Variants in PHLDB3 observed in about 807,000 individuals in gnomAD.
PHLDB3 encodes pleckstrin homology like domain family B member 3.
In PHLDB3, 86 loss-of-function variants were observed where a neutral mutation model predicts 85.7. That is an observed-to-expected ratio of 1.00 (90% CI 0.84 to 1.20). The LOEUF is 1.20. Among genes scored for constraint, PHLDB3 ranks in the 50% most tolerant of loss-of-function variants. The pLI, the probability that PHLDB3 is intolerant of heterozygous loss-of-function variation, is 0.00. For synonymous variants in PHLDB3, 376 were observed against 349.8 expected, an observed-to-expected ratio of 1.07 and a Z score of -0.83; for missense variants, 995 against 873.0, an observed-to-expected ratio of 1.14 and a Z score of -1.76.
chr19:43,484,484 G>A (rs1971111688), intron 13 of PHLDB3, among the ~76,000 whole-genome samples: 2 of 150,114 alleles, frequency 1.3e-5, no homozygotes, highest in African/African-American at 4.9e-5. Context: ...AAGGCACACA[G>A]ATCACCTGAG....
chr19:43,478,194 G>T, intron 14 of PHLDB3, 62 bp from the exon 15 acceptor site: 1 of 1,340,608 alleles, frequency 7.5e-7, no homozygotes, highest in Non-Finnish European at 1.1e-6. Context: ...GTGTGTCGAG[G>T]TGAGGGTCAT....
intron 15 of PHLDB3, among the ~76,000 whole-genome samples, chr19:43,477,442 G>A (rs1212405248): frequency 1.3e-5 from 2 of 150,778 alleles, no homozygotes; most frequent in African/African-American, 2.5e-5. Flanking sequence ...GCTTGAACCC[G>A]GGAGGCAGAG....
intron 9 of PHLDB3, among the ~76,000 whole-genome samples, chr19:43,490,758 G>T (rs1453498620): frequency 6.6e-6 from 1 of 152,128 alleles, no homozygotes; most frequent in Non-Finnish European, 1.5e-5. Flanking sequence ...CCCCAGCTTT[G>T]TCTGCAGGGC....
At chr19:43,487,513 T>C (rs978619000) in intron 9 of PHLDB3, among the ~76,000 whole-genome samples, 3 of 135,942 alleles carry the variant, frequency 2.2e-5, no homozygotes, top group African/African-American at 8.4e-5. Context: ...AGGTGGAGAT[T>C]GCAATGAGCT....
intron 14 of PHLDB3, among the ~76,000 whole-genome samples, chr19:43,478,634 G>T (rs1377493420): frequency 6.6e-6 from 1 of 152,184 alleles, no homozygotes; most frequent in Non-Finnish European, 1.5e-5. Context: ...CGTCCAAGGA[G>T]GCTGGGTGCA....
At chr19:43,486,483 G>A (rs898741859) in intron 12 of PHLDB3, 126 bp downstream of exon 12, 3 of 1,317,788 alleles carry the variant, frequency 2.3e-6, no homozygotes, top group Non-Finnish European at 3.1e-6. Flanking sequence ...TCCTGGGTCT[G>A]AGGGTGGAGG....
chr19:43,494,411 G>A (rs1971392603), intron 9 of PHLDB3, among the ~76,000 whole-genome samples: 1 of 150,628 alleles, frequency 6.6e-6, no homozygotes. Flanking sequence ...CTTCTGAGAA[G>A]GGGAGACCTT....
intron 9 of PHLDB3, among the ~76,000 whole-genome samples, chr19:43,491,802 G>A (rs1971319487): frequency 1.3e-5 from 2 of 151,308 alleles, no homozygotes; most frequent in South Asian, 4.2e-4. Flanking sequence ...GAGTAGCTGG[G>A]ACTAGGCTAA....
intron 9 of PHLDB3, among the ~76,000 whole-genome samples, 190 bp from the exon 10 acceptor site, chr19:43,487,313 G>A (rs1438735805): frequency 6.6e-6 from 1 of 152,132 alleles, no homozygotes; most frequent in African/African-American, 2.4e-5. Context: ...AGTGGCTTAT[G>A]CCTGTAATCC....
chr19:43,504,076 G>C lies in PHLDB3; in HGVS notation c.43C>G (p.Leu15Val). The C allele has an allele frequency of 1.9e-6, 3 of 1,612,278 alleles. No homozygotes were observed. Among genetic ancestry groups the C allele is most frequent in the Non-Finnish European group, 2.5e-6 (3 of 1,179,256 alleles). Reference sequence around the variant, plus strand: ...ACCTCCACGTCGCATTCCGGGACCAGCGGCGGCGGGGTCCCCTCCTCGGGG... The same window carrying C: ...ACCTCCACGTCGCATTCCGGGACCACCGGCGGCGGGGTCCCCTCCTCGGGG... Reference protein sequence around the residue: ...SSPEEGTPPPLVPECDVEVQP... With the variant: ...SSPEEGTPPPVVPECDVEVQP... Residue 15 changes from leucine to valine, a missense_variant, in exon 2 of 16, where the codon CTG (leucine) becomes GTG (valine). Coordinates refer to ENST00000292140, the MANE Select transcript of PHLDB3 (RefSeq NM_198850.4).
intron 9 of PHLDB3, among the ~76,000 whole-genome samples, chr19:43,489,221 G>T (rs1221323639): frequency 6.6e-6 from 1 of 152,084 alleles, no homozygotes; most frequent in Non-Finnish European, 1.5e-5. Flanking sequence ...GAAAACCAAG[G>T]CCAGGTGTGG....
At position 43,493,315 on chromosome 19, in the gene PHLDB3, T is replaced by TAAATAAATAAAA. The variant is rs546087500; in HGVS notation, c.1149+1386_1149+1387insTTTTATTTATTT. ...ATAAATAAATAAATAAATAAATAAA[T>TAAATAAATAAAA]AAAATAAAAGCCAGTGAGACCCTAT... is the stretch of plus-strand genomic sequence containing the variant. On this transcript the variant is annotated intron_variant, in intron 9 of 15. Coordinates refer to ENST00000292140, the MANE Select transcript of PHLDB3 (RefSeq NM_198850.4). Among the ~76,000 whole-genome samples, 89 of 143,376 alleles carry TAAATAAATAAAA rather than the reference T, an allele frequency of 6.2e-4. 1 individual carries two copies. The highest frequency in any genetic ancestry group is 3.7e-3 in the Middle Eastern group (1 of 272). 94.1% of individuals were successfully genotyped at this position (143,376 alleles called of 152,430 possible). A position where few individuals can be genotyped will look rare whatever the true frequency, so the allele number is the denominator to read the frequency against.
intron 6 of PHLDB3, chr19:43,496,915 G>A (rs1007772876): frequency 3.2e-5 from 25 of 780,452 alleles, no homozygotes; most frequent in Admixed American, 8.7e-5. Flanking sequence ...TAAGTTTGTT[G>A]TAAGGATTCA....
chr19:43,487,056 C>T lies in PHLDB3; in HGVS notation c.1217G>A (p.Gly406Glu), dbSNP rs1259945024. The T allele has an allele frequency of 1.3e-6, 2 of 1,577,908 alleles. No individual in the cohort carries two copies. Among genetic ancestry groups the T allele is most frequent in the South Asian group, 2.3e-5 (2 of 85,204 alleles). Residue 406 changes from glycine (G) to glutamate (E), a missense_variant, in exon 10 of 16, where the codon GGA becomes GAA. Coordinates refer to ENST00000292140, the MANE Select transcript of PHLDB3 (RefSeq NM_198850.4). ...ATGGAAGGACAGAGGTCGGGGGGATCCTCTCTGGCTCCCCCTCTCCCCCCT... is the reference window on the plus strand; with the variant it reads ...ATGGAAGGACAGAGGTCGGGGGGATTCTCTCTGGCTCCCCCTCTCCCCCCT... ...RKRGERGSQR[G>E]SPRPLSFHCT...
intron 4 of PHLDB3, among the ~76,000 whole-genome samples, chr19:43,500,192 T>C (rs1971554519): frequency 6.6e-6 from 1 of 151,792 alleles, no homozygotes; most frequent in Non-Finnish European, 1.5e-5. Context: ...TGAGCCAAGA[T>C]CACGCCATTG....
At chr19:43,500,092 A>AC (rs1177012720) in intron 4 of PHLDB3, among the ~76,000 whole-genome samples, 1 of 152,058 alleles carries the variant, frequency 6.6e-6, no homozygotes, top group Non-Finnish European at 1.5e-5. Context: ...ATACAAAATT[A>AC]CCCGGGCATG....
intron 13 of PHLDB3, among the ~76,000 whole-genome samples, chr19:43,483,793 C>T (rs1489863890): frequency 6.6e-6 from 1 of 152,108 alleles, no homozygotes; most frequent in Non-Finnish European, 1.5e-5. Context: ...AAACCAAATG[C>T]ATAGCGTGTG....
intron 11 of PHLDB3, 24 bp downstream of exon 11, chr19:43,486,756 C>T (rs1160480206): frequency 1.9e-6 from 3 of 1,609,908 alleles, no homozygotes; most frequent in African/African-American, 1.3e-5. Flanking sequence ...CTTCCATCTC[C>T]CCACCTTCTC....
intron 9 of PHLDB3, among the ~76,000 whole-genome samples, chr19:43,492,891 GTTA>G (rs199624815): frequency 3.8e-4 from 57 of 151,870 alleles, no homozygotes; most frequent in African/African-American, 1.1e-3. Flanking sequence ...TATTGTTAAT[GTTA>G]TTATTATTAT....
Sources: gnomAD v4.1 joint callset for allele counts (sites outside exome capture counted in the v4.1 genomes callset) on GRCh38, gnomAD v4.1.1 for gene constraint, MANE v1.5 for transcripts, NCBI Gene and HGNC (gene_info 2026-07-23, HGNC 2026-07-21) for gene names.